The following CNTNAP2 variants were observed in gnomAD, a reference collection of about 807,000 sequenced individuals.
The protein encoded by CNTNAP2 is contactin associated protein 2.
Under a neutral mutation model 155.2 loss-of-function variants are expected in CNTNAP2, and 98 were observed. That is an observed-to-expected ratio of 0.63 (90% CI 0.54 to 0.75). The LOEUF is 0.75. Ranked by LOEUF, CNTNAP2 falls within the 30% of genes least tolerant of loss-of-function variation. CNTNAP2 has a pLI of 0.00. For missense variants in CNTNAP2, 1,727 were observed against 1,688.1 expected, an observed-to-expected ratio of 1.02 and a Z score of -0.40; for synonymous variants, 651 against 631.2, an observed-to-expected ratio of 1.03 and a Z score of -0.47.
intron 19 of CNTNAP2, among the ~76,000 whole-genome samples, chr7:148,219,643 G>A (rs948736095): frequency 1.3e-5 from 2 of 152,168 alleles, no homozygotes; most frequent in African/African-American, 2.4e-5. Flanking sequence ...ACTAGCCTGG[G>A]CAACATAGCA....
intron 1 of CNTNAP2, among the ~76,000 whole-genome samples, chr7:146,605,088 A>AAT (rs1554454808): frequency 4.0e-5 from 3 of 75,242 alleles, no homozygotes; most frequent in Non-Finnish European, 7.2e-5. Context: ...AAAAAACAAC[A>AAT]AAAAAAAAAA....
intron 20 of CNTNAP2, among the ~76,000 whole-genome samples, chr7:148,238,051 A>G (rs192109409): frequency 2.1e-3 from 321 of 152,278 alleles, no homozygotes; most frequent in African/African-American, 7.3e-3. Flanking sequence ...ATGAGAAAAC[A>G]GAGATTAAGA....
At chr7:148,207,372 G>A (rs996254187) in intron 18 of CNTNAP2, among the ~76,000 whole-genome samples, 1 of 152,278 alleles carries the variant, frequency 6.6e-6, no homozygotes, top group Non-Finnish European at 1.5e-5. Flanking sequence ...GAGAATGGCC[G>A]CTGAGGCCAA....
chr7:146,877,777 T>C, intron 3 of CNTNAP2, among the ~76,000 whole-genome samples: 1 of 152,144 alleles, frequency 6.6e-6, no homozygotes, highest in East Asian at 1.9e-4. Context: ...ACTGTTTATA[T>C]TTCATGATGT....
intron 8 of CNTNAP2, among the ~76,000 whole-genome samples, chr7:147,213,363 C>T (rs963147969): frequency 3.9e-5 from 6 of 152,116 alleles, no homozygotes; most frequent in Non-Finnish European, 8.8e-5. Flanking sequence ...ATAATCTCTT[C>T]CAGAAACATT....
rs185270261 is a variant in CNTNAP2, at chr7:147,697,583, G to A, written c.2098+58277G>A. Among the ~76,000 whole-genome samples, 9 of 152,248 alleles carry A rather than the reference G, an allele frequency of 5.9e-5. No individual in the cohort carries two copies. The East Asian group carries it at 1.7e-3, about 29-fold the overall frequency. On this transcript the variant is annotated intron_variant, in intron 13 of 23. Coordinates refer to ENST00000361727, the MANE Select transcript of CNTNAP2 (RefSeq NM_014141.6). Reference sequence around the variant, plus strand: ...TAGTGATACGTTGTGGGGGAGCGGGGAAGCATTCTATGATTAGGTCTCAGT... The same window carrying A: ...TAGTGATACGTTGTGGGGGAGCGGGAAAGCATTCTATGATTAGGTCTCAGT...
chr7:146,142,723 A>C (rs940772153), intron 1 of CNTNAP2, among the ~76,000 whole-genome samples: 3 of 152,206 alleles, frequency 2.0e-5, no homozygotes, highest in African/African-American at 7.2e-5. Flanking sequence ...AATTCTGTGT[A>C]AAATAATACA....
intron 1 of CNTNAP2, among the ~76,000 whole-genome samples, chr7:146,713,208 G>C (rs1801129515): frequency 6.6e-6 from 1 of 152,118 alleles, no homozygotes; most frequent in African/African-American, 2.4e-5. Flanking sequence ...ATGAGAAAAG[G>C]AAGCATTAAA....
Position 146,635,939 on chromosome 7 carries a change from C to G in CNTNAP2, c.98-138332C>G, listed in dbSNP as rs372818408. ...GGGGCAGGAAAAAGGAGGGACTGTT[C>G]CAGTGGCAAGTGAATGGAGCCGCCT... is the stretch of plus-strand genomic sequence containing the variant. On this transcript the variant is annotated intron_variant, in intron 1 of 23. Coordinates refer to ENST00000361727, the MANE Select transcript of CNTNAP2 (RefSeq NM_014141.6). 3.3e-5 allele frequency among the ~76,000 whole-genome samples: 5 copies of G among 152,212 alleles called. No individual in the cohort carries two copies. In the East Asian group the frequency reaches 5.8e-4, roughly 18 times the overall value.
intron 2 of CNTNAP2, among the ~76,000 whole-genome samples, chr7:146,798,154 C>A (rs1802804850): frequency 6.6e-6 from 1 of 151,914 alleles, no homozygotes; most frequent in Non-Finnish European, 1.5e-5. Context: ...CGCCTGCGGT[C>A]CCAGTTACTC....
intron 8 of CNTNAP2, among the ~76,000 whole-genome samples, chr7:147,280,441 A>T (rs1291197879): frequency 1.3e-5 from 2 of 151,976 alleles, no homozygotes; most frequent in Non-Finnish European, 2.9e-5. Context: ...CTCGTTTACG[A>T]AAATGCCAAC....
chr7:147,001,640 C>A (rs1584776274), intron 3 of CNTNAP2, among the ~76,000 whole-genome samples: 2 of 151,854 alleles, frequency 1.3e-5, no homozygotes, highest in South Asian at 4.2e-4. Flanking sequence ...GCCATGAATT[C>A]TTCATAAAAT....
At chr7:147,727,172 C>A (rs1796659128) in intron 13 of CNTNAP2, among the ~76,000 whole-genome samples, 1 of 151,868 alleles carries the variant, frequency 6.6e-6, no homozygotes, top group South Asian at 2.1e-4. Flanking sequence ...CTACCTGAAC[C>A]CCAGTAGATT....
chr7:146,122,042 C>T (rs1474909790), intron 1 of CNTNAP2, among the ~76,000 whole-genome samples: 1 of 152,184 alleles, frequency 6.6e-6, no homozygotes, highest in Non-Finnish European at 1.5e-5. Context: ...TCCATCCTAA[C>T]AGTTCATTTT....
chr7:146,436,226 G>C (rs1796241562), intron 1 of CNTNAP2, among the ~76,000 whole-genome samples: 1 of 152,088 alleles, frequency 6.6e-6, no homozygotes, highest in Non-Finnish European at 1.5e-5. Context: ...TTTTTGTGAT[G>C]GGTAAGTGGG....
chr7:146,141,725 T>C (rs1178377246), intron 1 of CNTNAP2, among the ~76,000 whole-genome samples: 3 of 152,156 alleles, frequency 2.0e-5, no homozygotes, highest in African/African-American at 4.8e-5. Context: ...GATTTCCTTT[T>C]ATTTTATAAT....
chr7:147,921,187 T>A (rs932680153), intron 14 of CNTNAP2, among the ~76,000 whole-genome samples: 1 of 152,142 alleles, frequency 6.6e-6, no homozygotes, highest in Non-Finnish European at 1.5e-5. Context: ...TTCATAATAA[T>A]GAATTAAAGA....
intron 1 of CNTNAP2, among the ~76,000 whole-genome samples, chr7:146,214,210 C>T (rs930983330): frequency 1.3e-5 from 2 of 152,200 alleles, no homozygotes; most frequent in African/African-American, 4.8e-5. Flanking sequence ...TACTTTTATA[C>T]AAAATCCCTA....
intron 1 of CNTNAP2, among the ~76,000 whole-genome samples, chr7:146,227,071 A>G (rs906756875): frequency 2.6e-5 from 4 of 152,166 alleles, no homozygotes; most frequent in Non-Finnish European, 5.9e-5. Context: ...TTATGTATAG[A>G]TAGGCATAGA....
Sources: gnomAD v4.1 joint callset for allele counts (sites outside exome capture counted in the v4.1 genomes callset) on GRCh38, gnomAD v4.1.1 for gene constraint, MANE v1.5 for transcripts, NCBI Gene and HGNC (gene_info 2026-07-23, HGNC 2026-07-21) for gene names.